The following WWTR1 variants were observed in gnomAD, a reference collection of about 807,000 sequenced individuals.
The protein encoded by WWTR1 is WW domain containing transcription regulator 1.
WWTR1 carries 13 observed loss-of-function variants against 40.1 expected under a neutral mutation model. The observed-to-expected ratio is 0.32, with a 90% confidence interval of 0.21 to 0.52. The LOEUF (loss-of-function observed/expected upper bound fraction) is 0.52, where lower values mean the gene tolerates loss of function less well. WWTR1 is among the 20% of genes least tolerant of loss of function. The pLI, the probability that WWTR1 is intolerant of heterozygous loss-of-function variation, is 0.97. For synonymous variants in WWTR1, 230 were observed against 210.1 expected, an observed-to-expected ratio of 1.09 and a Z score of -0.82; for missense variants, 436 against 523.1, an observed-to-expected ratio of 0.83 and a Z score of 1.63.
At chr3:149,550,838 C>T (rs566174047) in intron 3 of WWTR1, among the ~76,000 whole-genome samples, 1 of 145,800 alleles carries the variant, frequency 6.9e-6, no homozygotes, top group African/African-American at 2.6e-5. Flanking sequence ...GGCTTAACTT[C>T]CGTATCAGTT....
intron 2 of WWTR1, among the ~76,000 whole-genome samples, chr3:149,586,712 C>A (rs1347253183): frequency 6.6e-6 from 1 of 152,120 alleles, no homozygotes; most frequent in South Asian, 2.1e-4. Flanking sequence ...GGGGAACCAA[C>A]CACATGGCTG....
chr3:149,605,299 C>A (rs1739434803), intron 2 of WWTR1, among the ~76,000 whole-genome samples: 2 of 152,100 alleles, frequency 1.3e-5, no homozygotes, highest in African/African-American at 4.8e-5. Flanking sequence ...AGACCAGCTA[C>A]CAGGTAGGAG....
chr3:149,590,682 A>G (rs1299995912), intron 2 of WWTR1, among the ~76,000 whole-genome samples: 1 of 152,184 alleles, frequency 6.6e-6, no homozygotes, highest in African/African-American at 2.4e-5. Flanking sequence ...GGGTGAAGTA[A>G]ACCTACTTAA....
intron 2 of WWTR1, among the ~76,000 whole-genome samples, chr3:149,655,458 A>C (rs1713153124): frequency 6.7e-6 from 1 of 148,496 alleles, no homozygotes; most frequent in African/African-American, 2.6e-5. Flanking sequence ...AACAAAAACA[A>C]ACAACAAACA....
In WWTR1 at chr3:149,597,445, A is replaced by AAAG. The variant is rs1227308134; in HGVS notation, c.432-24448_432-24446dup. Among the ~76,000 whole-genome samples, 595 of 135,940 alleles carry AAAG rather than the reference A, an allele frequency of 4.4e-3. 5 individuals are homozygous for AAAG. Among genetic ancestry groups the AAAG allele is most frequent in the East Asian group, 0.015 (75 of 5,032 alleles). 89.2% of individuals were successfully genotyped at this position (135,940 alleles called of 152,430 possible). ...ACCCCAGCTCTACAAAAAAAAAAAA[A>AAAG]AAGAAGAAGAAGAAGAAGAAGGAAA... On this transcript the variant is annotated intron_variant, in intron 2 of 6. Transcript: ENST00000360632.
At chr3:149,678,821 TA>T (rs1365844719) in intron 1 of WWTR1, among the ~76,000 whole-genome samples, 36 of 123,236 alleles carry the variant, frequency 2.9e-4, no homozygotes, top group Non-Finnish European at 5.0e-4. Flanking sequence ...TGTTCACAAG[TA>T]TTTTTTTTTT....
At chr3:149,636,086 T>A (rs1290571328) in intron 2 of WWTR1, among the ~76,000 whole-genome samples, 1 of 152,216 alleles carries the variant, frequency 6.6e-6, no homozygotes, top group African/African-American at 2.4e-5. Context: ...TAATTTAGAA[T>A]GTGATGTTCC....
At chr3:149,604,737 A>G (rs961055087) in intron 2 of WWTR1, among the ~76,000 whole-genome samples, 35 of 152,194 alleles carry the variant, frequency 2.3e-4, no homozygotes, top group Non-Finnish European at 1.5e-5. Flanking sequence ...TTCCTGCTGA[A>G]GCGGTACTGG....
At chr3:149,616,921 G>A (rs1740001684) in intron 2 of WWTR1, among the ~76,000 whole-genome samples, 1 of 152,158 alleles carries the variant, frequency 6.6e-6, no homozygotes, top group African/African-American at 2.4e-5. Context: ...AAAGTAAGAA[G>A]GAGGGAGGGA....
rs1734964158 is a variant in WWTR1, at chr3:149,519,964, A to C, written c.*841T>G. On this transcript the variant is annotated 3_prime_UTR_variant, in exon 7 of 7. Coordinates refer to ENST00000360632, the MANE Select transcript of WWTR1 (RefSeq NM_015472.6). ...ATCTCAAAAACAAACAAACAACATC[A>C]AGAAAAAAAAAAACCATCAGATTCT... 1 of 115,534 alleles carries C rather than the reference A, an allele frequency of 8.7e-6. No homozygotes were observed. Among genetic ancestry groups the C allele is most frequent in the African/African-American group, 2.6e-5 (1 of 39,148 alleles). 7.2% of individuals were successfully genotyped at this position (115,534 alleles called of 1,614,324 possible).
chr3:149,580,450 A>AT (rs901445394), intron 2 of WWTR1, among the ~76,000 whole-genome samples: 1 of 152,156 alleles, frequency 6.6e-6, no homozygotes, highest in Non-Finnish European at 1.5e-5. Context: ...GTGGGAGCCC[A>AT]TTGCAGGAGA....
chr3:149,528,084 G>T, intron 4 of WWTR1, 115 bp from the exon 5 acceptor site: 3 of 1,338,644 alleles, frequency 2.2e-6, no homozygotes, highest in South Asian at 1.5e-5. Context: ...TTTACTCCCA[G>T]CAAGTCAAAA....
chr3:149,646,258 TGTG>T (rs1174933450), intron 2 of WWTR1, among the ~76,000 whole-genome samples: 1 of 152,226 alleles, frequency 6.6e-6, no homozygotes, highest in African/African-American at 2.4e-5. Flanking sequence ...TCAAACTATC[TGTG>T]GTGAAGGACC....
At chr3:149,523,647 G>A (rs746760377) in intron 6 of WWTR1, among the ~76,000 whole-genome samples, 4 of 152,108 alleles carry the variant, frequency 2.6e-5, no homozygotes, top group Admixed American at 6.5e-5. Flanking sequence ...CTGGATCTTC[G>A]CACCAAGCCC....
chr3:149,531,683 C>A (rs1405147747), intron 4 of WWTR1, among the ~76,000 whole-genome samples: 1 of 152,136 alleles, frequency 6.6e-6, no homozygotes, highest in Non-Finnish European at 1.5e-5. Flanking sequence ...TCCTACCTCA[C>A]CCCTGTCTAA....
chr3:149,530,303 G>A (rs1415228944), intron 4 of WWTR1, among the ~76,000 whole-genome samples: 1 of 151,510 alleles, frequency 6.6e-6, no homozygotes, highest in Non-Finnish European at 1.5e-5. Context: ...AGCCGAGATT[G>A]CACCACCATA....
chr3:149,523,094 C>A (rs1691336462), intron 6 of WWTR1, among the ~76,000 whole-genome samples: 1 of 151,544 alleles, frequency 6.6e-6, no homozygotes, highest in African/African-American at 2.4e-5. Flanking sequence ...TACTCTTATC[C>A]TTTCTTCTCA....
intron 2 of WWTR1, among the ~76,000 whole-genome samples, chr3:149,577,750 T>TTC (rs1737952820): frequency 6.6e-6 from 1 of 152,192 alleles, no homozygotes. Context: ...GCCATTTTAT[T>TTC]TAACAGGTAA....
chr3:149,569,323 AAAT>A (rs1737516463), intron 3 of WWTR1, among the ~76,000 whole-genome samples: 1 of 152,326 alleles, frequency 6.6e-6, no homozygotes, highest in East Asian at 1.9e-4. Flanking sequence ...TTTGCCATAA[AAAT>A]AATGATAATA....
Sources: allele counts gnomAD v4.1 joint callset (sites outside exome capture counted in the v4.1 genomes callset), GRCh38; gene constraint gnomAD v4.1.1; transcripts MANE v1.5; gene names NCBI Gene and HGNC (gene_info 2026-07-23, HGNC 2026-07-21).